LMBR1: variants seen among roughly 807,000 people sequenced by gnomAD.
LMBR1 encodes limb region 1 protein homolog.
A neutral mutation model predicts 73.9 loss-of-function variants in LMBR1; 52 were observed. That is an observed-to-expected ratio of 0.70 (90% CI 0.56 to 0.89). LMBR1 has a LOEUF of 0.89. LMBR1 is among the 40% of genes least tolerant of loss of function. The pLI, the probability that LMBR1 is intolerant of heterozygous loss-of-function variation, is 0.00. For missense variants in LMBR1, 539 were observed against 579.8 expected (o/e 0.93, Z 0.72); for synonymous variants, 215 against 209.4 (o/e 1.03, Z -0.23).
intron 1 of LMBR1, among the ~76,000 whole-genome samples, chr7:156,848,906 G>T (rs1418191634): frequency 1.2e-4 from 18 of 150,182 alleles, no homozygotes; most frequent in Non-Finnish European, 2.7e-4. Context: ...ACCGCAGCCT[G>T]GGCGACAAAG....
intron 1 of LMBR1, among the ~76,000 whole-genome samples, chr7:156,865,093 G>A (rs979323369): frequency 1.1e-4 from 16 of 151,512 alleles, no homozygotes; most frequent in Admixed American, 1.3e-4. Context: ...GATCGCTTGA[G>A]CTCAGCAGTT....
intron 13 of LMBR1, 90 bp downstream of exon 13, chr7:156,725,674 T>C: frequency 1.5e-6 from 2 of 1,326,570 alleles, no homozygotes; most frequent in Non-Finnish European, 1.1e-6. Context: ...TTTTCTCTTC[T>C]AGACAAGTGT....
intron 3 of LMBR1, among the ~76,000 whole-genome samples, chr7:156,830,791 A>T (rs1836545766): frequency 6.6e-6 from 1 of 152,132 alleles, no homozygotes; most frequent in Non-Finnish European, 1.5e-5. Flanking sequence ...CATCTCGGAG[A>T]TTCTACCTCA....
intron 1 of LMBR1, among the ~76,000 whole-genome samples, chr7:156,847,986 A>G (rs1795729573): frequency 6.6e-6 from 1 of 152,186 alleles, no homozygotes; most frequent in South Asian, 2.1e-4. Context: ...AGCTCTTTTC[A>G]TAATTGCCAA....
intron 5 of LMBR1, among the ~76,000 whole-genome samples, chr7:156,766,918 C>A (rs1312880665): frequency 2.0e-5 from 3 of 152,100 alleles, no homozygotes; most frequent in African/African-American, 7.2e-5. Context: ...CAAGGAGTCC[C>A]AAAGCTGAAT....
At chr7:156,782,331 C>T (rs763528209) in intron 5 of LMBR1, among the ~76,000 whole-genome samples, 43 of 152,118 alleles carry the variant, frequency 2.8e-4, no homozygotes, top group Non-Finnish European at 4.6e-4. Flanking sequence ...AGATGTATAT[C>T]CAGAAGTGGA....
chr7:156,775,803 A>C (rs966340793), intron 5 of LMBR1, among the ~76,000 whole-genome samples: 12 of 152,052 alleles, frequency 7.9e-5, no homozygotes, highest in Admixed American at 2.6e-4. Flanking sequence ...CTTCCAAGAG[A>C]CTGGAACCCA....
chr7:156,690,895 C>A (rs1167271411), intron 15 of LMBR1, among the ~76,000 whole-genome samples: 2 of 152,008 alleles, frequency 1.3e-5, no homozygotes, highest in Non-Finnish European at 2.9e-5. Flanking sequence ...TAAAATTCTG[C>A]CTGAGAGGTT....
At chr7:156,824,593 G>A (rs1000465351) in intron 4 of LMBR1, among the ~76,000 whole-genome samples, 2 of 151,926 alleles carry the variant, frequency 1.3e-5, no homozygotes, top group African/African-American at 2.4e-5. Flanking sequence ...GTCTAGTCCC[G>A]GCACTTTGGG....
intron 8 of LMBR1, among the ~76,000 whole-genome samples, chr7:156,760,976 C>T (rs1366968762): frequency 1.3e-5 from 2 of 152,148 alleles, no homozygotes; most frequent in South Asian, 2.1e-4. Context: ...AGCAAGGCAA[C>T]GTTCAAAGCT....
intron 1 of LMBR1, among the ~76,000 whole-genome samples, chr7:156,888,564 T>C (rs1017084994): frequency 6.6e-6 from 1 of 152,000 alleles, no homozygotes; most frequent in African/African-American, 2.4e-5. Context: ...CTCAGGTCAA[T>C]TGATGAATGA....
intron 1 of LMBR1, among the ~76,000 whole-genome samples, chr7:156,866,213 A>G (rs60902251): frequency 0.018 from 2,693 of 152,276 alleles, 83 homozygotes; most frequent in African/African-American, 0.061. Flanking sequence ...ATGTCAACCT[A>G]AAATAGTGAC....
At chr7:156,844,001 C>A (rs1027955514) in intron 1 of LMBR1, among the ~76,000 whole-genome samples, 1 of 151,958 alleles carries the variant, frequency 6.6e-6, no homozygotes, top group Admixed American at 6.6e-5. Flanking sequence ...AATTTAAAAA[C>A]AAATGTAAGT....
intron 5 of LMBR1, among the ~76,000 whole-genome samples, chr7:156,774,679 C>T (rs1825805323): frequency 6.6e-6 from 1 of 151,862 alleles, no homozygotes; most frequent in Non-Finnish European, 1.5e-5. Context: ...TAAAAATACA[C>T]AAATTAGCCG....
chr7:156,872,385 T>C (rs1199499666), intron 1 of LMBR1, among the ~76,000 whole-genome samples: 2 of 152,124 alleles, frequency 1.3e-5, no homozygotes, highest in African/African-American at 2.4e-5. Context: ...TGGTAGCTCA[T>C]GCCTGTAATC....
chr7:156,833,201 C>T (rs1836995766), intron 3 of LMBR1, among the ~76,000 whole-genome samples: 2 of 152,146 alleles, frequency 1.3e-5, no homozygotes, highest in African/African-American at 4.8e-5. Context: ...TCCTGGAATA[C>T]AGAACTTTCC....
At chr7:156,835,955 C>T (rs1466478110) in intron 2 of LMBR1, among the ~76,000 whole-genome samples, 1 of 152,118 alleles carries the variant, frequency 6.6e-6, no homozygotes, top group Non-Finnish European at 1.5e-5. Flanking sequence ...TGAAACCATG[C>T]CAATGAATTT....
intron 15 of LMBR1, among the ~76,000 whole-genome samples, chr7:156,689,324 C>T (rs1460980574): frequency 1.3e-5 from 2 of 152,080 alleles, no homozygotes; most frequent in Admixed American, 1.3e-4. Flanking sequence ...TAATAACAAT[C>T]GTCTATAAAA....
At chr7:156,731,646 T>C (rs1319683357) in intron 10 of LMBR1, among the ~76,000 whole-genome samples, 1 of 152,160 alleles carries the variant, frequency 6.6e-6, no homozygotes, top group African/African-American at 2.4e-5. Flanking sequence ...ACAGAATCTA[T>C]TGCCAGCAAA....
Sources: allele counts gnomAD v4.1 joint callset (sites outside exome capture counted in the v4.1 genomes callset), GRCh38; gene constraint gnomAD v4.1.1; transcripts MANE v1.5; gene names NCBI Gene and HGNC (gene_info 2026-07-23, HGNC 2026-07-21).